The following DISP1 variants were observed in gnomAD, a reference collection of about 807,000 sequenced individuals.
DISP1 encodes the protein protein dispatched homolog 1.
A neutral mutation model predicts 37.3 loss-of-function variants in DISP1; 30 were observed. That is an observed-to-expected ratio of 0.80 (90% CI 0.60 to 1.09). The LOEUF is 1.09. DISP1 is among the 50% of genes least tolerant of loss of function. The probability of loss-of-function intolerance (pLI) is 0.00; values close to 1 mark genes in which losing one functional copy is unlikely to be tolerated. For missense variants in DISP1, 1,598 were observed against 1,879.5 expected (o/e 0.85, Z 2.77); for synonymous variants, 634 against 690.2 (o/e 0.92, Z 1.28).
At chr1:222,936,881 T>C (rs1163641149) in intron 2 of DISP1, among the ~76,000 whole-genome samples, 2 of 59,328 alleles carry the variant, frequency 3.4e-5, no homozygotes, top group Admixed American at 4.9e-4. Context: ...ATATATATGA[T>C]ATATATAATA....
intron 1 of DISP1, among the ~76,000 whole-genome samples, chr1:222,915,986 G>A (rs1474452703): frequency 6.6e-6 from 1 of 152,122 alleles, no homozygotes; most frequent in Non-Finnish European, 1.5e-5. Context: ...ATTTGTCATG[G>A]CAATTTTCAT....
At chr1:222,906,505 A>G (rs955620852) in intron 1 of DISP1, among the ~76,000 whole-genome samples, 3 of 152,244 alleles carry the variant, frequency 2.0e-5, no homozygotes, top group Non-Finnish European at 4.4e-5. Context: ...CGCACAAGAT[A>G]CTGGTCATAA....
rs776376899 is a variant in DISP1 at position 222,845,785 on chromosome 1, A to T, written c.-159+30707A>T. On this transcript the variant is annotated intron_variant, in intron 1 of 8. Coordinates refer to ENST00000675850, the MANE Select transcript of DISP1 (RefSeq NM_001377229.1). The stretch of plus-strand genomic sequence containing the variant: ...AAGATAATTTACTTTTTTCCCCTCT[A>T]TGATATATAACTTTTGGGATAGAAA... Among the ~76,000 whole-genome samples the T allele has an allele frequency of 3.9e-5, 6 of 152,112 alleles. No individual in the cohort carries two copies. In the East Asian group the frequency reaches 1.2e-3, roughly 29 times the overall value.
intron 3 of DISP1, among the ~76,000 whole-genome samples, chr1:222,944,291 T>C (rs1389476504): frequency 6.6e-6 from 1 of 152,196 alleles, no homozygotes; most frequent in African/African-American, 2.4e-5. Context: ...AGTGCTTATT[T>C]CCACCTCAGT....
At chr1:222,831,629 A>G (rs115182467) in intron 1 of DISP1, among the ~76,000 whole-genome samples, 1,676 of 152,298 alleles carry the variant, frequency 0.011, 27 homozygotes, top group African/African-American at 0.039. Context: ...ACATTATCAC[A>G]AGACAAAGAG....
At chr1:222,862,048 G>A (rs976474040) in intron 1 of DISP1, among the ~76,000 whole-genome samples, 1 of 152,162 alleles carries the variant, frequency 6.6e-6, no homozygotes, top group African/African-American at 2.4e-5. Flanking sequence ...TTAAGACTGG[G>A]ATGTCATCAA....
At chr1:222,874,224 A>G (rs1355947730) in intron 1 of DISP1, among the ~76,000 whole-genome samples, 1 of 151,888 alleles carries the variant, frequency 6.6e-6, no homozygotes, top group African/African-American at 2.4e-5. Context: ...CCTTCATTTC[A>G]ACTTTGGTGA....
chr1:222,880,728 GAGA>G (rs1241054621), intron 1 of DISP1, among the ~76,000 whole-genome samples: 3 of 152,140 alleles, frequency 2.0e-5, no homozygotes, highest in African/African-American at 7.2e-5. Context: ...TGTGTGGCGA[GAGA>G]AGACTACACG....
At chr1:222,914,257 C>T (rs1200320419) in intron 1 of DISP1, among the ~76,000 whole-genome samples, 2 of 152,048 alleles carry the variant, frequency 1.3e-5, no homozygotes, top group African/African-American at 4.8e-5. Context: ...ATGTGTATTA[C>T]TATATACAAA....
At chr1:222,983,035 A>G in intron 3 of DISP1, 45 bp from the exon 4 acceptor site, 1 of 1,459,814 alleles carries the variant, frequency 6.9e-7, no homozygotes, top group African/African-American at 1.4e-5. Flanking sequence ...GATGTTTATG[A>G]TGCTCTGTTT....
At chr1:222,951,943 T>C (rs1558352379) in intron 3 of DISP1, among the ~76,000 whole-genome samples, 1 of 152,218 alleles carries the variant, frequency 6.6e-6, no homozygotes, top group South Asian at 2.1e-4. Flanking sequence ...GTTTTATGTG[T>C]AAACTTTTAT....
chr1:222,939,822 G>C (rs141517532), intron 2 of DISP1, among the ~76,000 whole-genome samples: 40 of 141,184 alleles, frequency 2.8e-4, no homozygotes, highest in Non-Finnish European at 5.4e-4. Context: ...AACAGATGGA[G>C]ATCCTGTCAA....
intron 1 of DISP1, among the ~76,000 whole-genome samples, chr1:222,898,765 A>G (rs1279179118): frequency 6.6e-6 from 1 of 152,196 alleles, no homozygotes; most frequent in East Asian, 1.9e-4. Context: ...TACTGTTTTC[A>G]GTGTTTAATA....
At chr1:222,863,167 GT>G (rs1223963331) in intron 1 of DISP1, among the ~76,000 whole-genome samples, 1 of 151,974 alleles carries the variant, frequency 6.6e-6, no homozygotes, top group Non-Finnish European at 1.5e-5. Context: ...TCATCACTTG[GT>G]TAAGTTGTAT....
At position 223,005,688 on chromosome 1, in the gene DISP1, A is replaced by G; in HGVS notation, c.4291A>G (p.Thr1431Ala). 6.2e-7 allele frequency: 1 copy of G among 1,614,116 alleles called. No individual in the cohort carries two copies. Among genetic ancestry groups the G allele is most frequent in the South Asian group, 1.1e-5 (1 of 91,076 alleles). ...GAGCAATCTGGAGAGCAGTGGAGGGACTGAAAACAAGGCAGGAGGGAAAGT... is the reference window on the plus strand; with the variant it reads ...GAGCAATCTGGAGAGCAGTGGAGGGGCTGAAAACAAGGCAGGAGGGAAAGT... ...DVSNLESSGG[T>A]ENKAGGKVEL... Residue 1431 changes from threonine to alanine, a missense_variant, in exon 9 of 9, where the codon ACT becomes GCT. Thr to Ala is a moderately conservative substitution (Grantham distance 58, BLOSUM62 0). Transcript: ENST00000675850.
intron 1 of DISP1, among the ~76,000 whole-genome samples, chr1:222,834,223 C>T (rs968211364): frequency 6.6e-6 from 1 of 151,678 alleles, no homozygotes; most frequent in Non-Finnish European, 1.5e-5. Context: ...ATTCTTTCTT[C>T]GTCTTCAAAA....
At chr1:222,817,044 T>G (rs997548160) in intron 1 of DISP1, among the ~76,000 whole-genome samples, 1 of 152,268 alleles carries the variant, frequency 6.6e-6, no homozygotes, top group African/African-American at 2.4e-5. Flanking sequence ...CTTGCCCTCT[T>G]GGGCAAGTTG....
In DISP1 at chr1:223,005,021, C is replaced by T; in HGVS notation, c.3624C>T (p.Thr1208=). The T allele has an allele frequency of 1.2e-6, 2 of 1,614,112 alleles. No individual in the cohort carries two copies. Among genetic ancestry groups the T allele is most frequent in the Non-Finnish European group, 1.7e-6 (2 of 1,180,016 alleles). Reference sequence around the variant, plus strand: ...ACAGCTGCACTGCCCCTGAGAAGACCACTTATGAAGAGACCCACATCTGCT... The same window carrying T: ...ACAGCTGCACTGCCCCTGAGAAGACTACTTATGAAGAGACCCACATCTGCT... ...ASHSCTAPEK[T]TYEETHICSE... is the part of the protein sequence containing the mutation. Residue 1208 remains threonine, a synonymous_variant, in exon 9 of 9, where the codon ACC becomes ACT. Coordinates refer to ENST00000675850, the MANE Select transcript of DISP1 (RefSeq NM_001377229.1).
intron 2 of DISP1, among the ~76,000 whole-genome samples, chr1:222,940,969 C>T (rs1372828250): frequency 3.3e-5 from 5 of 152,150 alleles, no homozygotes; most frequent in South Asian, 2.1e-4. Flanking sequence ...TTTTAAAAAA[C>T]GTCCAGTGCT....
Sources: gnomAD v4.1 joint callset for allele counts (sites outside exome capture counted in the v4.1 genomes callset) on GRCh38, gnomAD v4.1.1 for gene constraint, MANE v1.5 for transcripts, NCBI Gene and HGNC (gene_info 2026-07-23, HGNC 2026-07-21) for gene names.